The following PSMB2 variants were observed in gnomAD, a reference collection of about 807,000 sequenced individuals.
PSMB2 encodes proteasome subunit beta type-2.
PSMB2 carries 13 observed loss-of-function variants against 25.7 expected under a neutral mutation model. That is an observed-to-expected ratio of 0.51 (90% CI 0.33 to 0.80). The LOEUF (loss-of-function observed/expected upper bound fraction) is 0.80. Among genes scored for constraint, PSMB2 ranks in the 30% least tolerant of loss-of-function variants. The pLI is 0.02. For synonymous variants in PSMB2, 87 were observed against 96.2 expected (o/e 0.90, Z 0.56); for missense variants, 202 against 259.0 (o/e 0.78, Z 1.51).
Position 35,603,055 on chromosome 1 carries a change from A to T in PSMB2, c.*212T>A, listed in dbSNP as rs1650051643. On this transcript the variant is annotated 3_prime_UTR_variant, in exon 6 of 6. Transcript: ENST00000373237. ...TAATGGAGGGCGGAGCAGGAAGAAA[A>T]GTCAGACCTGGCAAAAAGATCATCT... The T allele has an allele frequency of 2.3e-6, 3 of 1,325,818 alleles. No individual in the cohort carries two copies. Among genetic ancestry groups the T allele is most frequent in the African/African-American group, 1.5e-5 (1 of 67,134 alleles). 82.1% of individuals were successfully genotyped at this position (1,325,818 alleles called of 1,614,324 possible). A position where few individuals can be genotyped will look rare whatever the true frequency, so the allele number is the denominator to read the frequency against.
At chr1:35,613,152 C>T (rs963730377) in intron 3 of PSMB2, among the ~76,000 whole-genome samples, 6 of 152,222 alleles carry the variant, frequency 3.9e-5, no homozygotes, top group Non-Finnish European at 8.8e-5. Context: ...GATGCTTAAG[C>T]ATAAATAAAT....
intron 3 of PSMB2, among the ~76,000 whole-genome samples, chr1:35,618,558 A>C (rs1388281104): frequency 6.6e-6 from 1 of 152,146 alleles, no homozygotes; most frequent in Non-Finnish European, 1.5e-5. Flanking sequence ...CAAATACAGA[A>C]AAAACTTCCC....
In PSMB2 at chr1:35,601,688, T is replaced by G. The variant is rs1427767973; in HGVS notation, c.*1579A>C. 1.7e-5 allele frequency: 17 copies of G among 985,286 alleles called. No individual in the cohort carries two copies. The highest frequency in any genetic ancestry group is 1.8e-5 in the Non-Finnish European group (15 of 829,902). 61.0% of individuals were successfully genotyped at this position (985,286 alleles called of 1,614,324 possible). A position where few individuals can be genotyped will look rare whatever the true frequency, so the allele number is the denominator to read the frequency against. ...ACAAAAACCTATCTGTATATGATATTAAGAGGAGCACAGAATTGGATAAAG... is the reference window on the plus strand; with the variant it reads ...ACAAAAACCTATCTGTATATGATATGAAGAGGAGCACAGAATTGGATAAAG... On this transcript the variant is annotated 3_prime_UTR_variant, in exon 6 of 6. Coordinates refer to ENST00000373237, the MANE Select transcript of PSMB2 (RefSeq NM_002794.5).
At position 35,599,563 on chromosome 1, in the gene PSMB2, T is replaced by A. The variant is rs1649927257; in HGVS notation, c.*3704A>T. The A allele has an allele frequency of 1.0e-6, 1 of 984,668 alleles. No individual in the cohort carries two copies. Among genetic ancestry groups the A allele is most frequent in the Admixed American group, 6.2e-5 (1 of 16,258 alleles). The allele number at this position is 984,668 out of a possible 1,614,324, so 61.0% of individuals were successfully genotyped here. On this transcript the variant is annotated 3_prime_UTR_variant, in exon 6 of 6. Coordinates refer to ENST00000373237, the MANE Select transcript of PSMB2 (RefSeq NM_002794.5). ...AAATTTAGTTGGAACACAGGCTTTATGAGGTGTAAAGGAGGGAAAGGAAGT... is the reference window on the plus strand; with the variant it reads ...AAATTTAGTTGGAACACAGGCTTTAAGAGGTGTAAAGGAGGGAAAGGAAGT...
intron 2 of PSMB2, among the ~76,000 whole-genome samples, chr1:35,631,892 G>A (rs1651114625): frequency 2.0e-5 from 3 of 151,940 alleles, no homozygotes; most frequent in Admixed American, 1.3e-4. Flanking sequence ...AGGCATGGTG[G>A]TACATGCCTG....
intron 3 of PSMB2, among the ~76,000 whole-genome samples, chr1:35,622,017 A>G (rs1394713677): frequency 2.0e-5 from 3 of 152,182 alleles, no homozygotes; most frequent in Non-Finnish European, 1.5e-5. Context: ...AAAAAAAAGC[A>G]TAAAATATAC....
chr1:35,614,174 T>C (rs1472777052), intron 3 of PSMB2, among the ~76,000 whole-genome samples: 1 of 152,188 alleles, frequency 6.6e-6, no homozygotes, highest in African/African-American at 2.4e-5. Flanking sequence ...ACGTAGAGCA[T>C]ATCTACTTCA....
rs755834832 is a variant in PSMB2, at chr1:35,641,329, T to C, written c.91+13A>G. ...ACCCCAGGCCTGGCCGGGCCTCCCC[T>C]GCTTCCTCTCACCGTCCTTCATCTG... On this transcript the variant is annotated intron_variant, in intron 1 of 5. Coordinates refer to ENST00000373237, the MANE Select transcript of PSMB2 (RefSeq NM_002794.5). 1 of 1,614,088 alleles carries C rather than the reference T, an allele frequency of 6.2e-7. No individual in the cohort carries two copies. Among genetic ancestry groups the C allele is most frequent in the Non-Finnish European group, 8.5e-7 (1 of 1,179,988 alleles).
chr1:35,621,353 T>C (rs1478602207), intron 3 of PSMB2, among the ~76,000 whole-genome samples: 3 of 152,198 alleles, frequency 2.0e-5, no homozygotes, highest in South Asian at 2.1e-4. Context: ...AAGGCCCACA[T>C]TGAGGTGTGC....
chr1:35,626,761 C>A (rs1021022214), intron 3 of PSMB2, among the ~76,000 whole-genome samples: 1 of 152,150 alleles, frequency 6.6e-6, no homozygotes, highest in African/African-American at 2.4e-5. Context: ...TACTTAATAA[C>A]AGATACATAT....
At chr1:35,608,374 A>G (rs1650234079) in intron 4 of PSMB2, among the ~76,000 whole-genome samples, 2 of 152,132 alleles carry the variant, frequency 1.3e-5, no homozygotes. Flanking sequence ...CAAAAAAAAA[A>G]AAAAGATAGA....
chr1:35,600,953 G>C lies in PSMB2; in HGVS notation c.*2314C>G. On this transcript the variant is annotated 3_prime_UTR_variant, in exon 6 of 6. Coordinates refer to ENST00000373237, the MANE Select transcript of PSMB2 (RefSeq NM_002794.5). Reference sequence around the variant, plus strand: ...ATTCTCATATCTACCACATAGAATAGGTGCTATTTCAGTCATTGTACAGAT... The same window carrying C: ...ATTCTCATATCTACCACATAGAATACGTGCTATTTCAGTCATTGTACAGAT... 1 of 984,550 alleles carries C rather than the reference G, an allele frequency of 1.0e-6. No individual in the cohort carries two copies. The highest frequency in any genetic ancestry group is 1.7e-5 in the African/African-American group (1 of 57,212). 61.0% of individuals were successfully genotyped at this position (984,550 alleles called of 1,614,324 possible).
intron 4 of PSMB2, among the ~76,000 whole-genome samples, chr1:35,607,190 G>A (rs1172217395): frequency 6.6e-6 from 1 of 152,018 alleles, no homozygotes; most frequent in Non-Finnish European, 1.5e-5. Flanking sequence ...TAAACAAACA[G>A]GATTACATCA....
chr1:35,603,747 T>C (rs550757289), intron 5 of PSMB2, among the ~76,000 whole-genome samples: 7 of 152,288 alleles, frequency 4.6e-5, no homozygotes, highest in Non-Finnish European at 1.0e-4. Context: ...CAAAGAGTGA[T>C]TGTCCTCAGA....
At chr1:35,641,268 T>C (rs1166492066) in intron 1 of PSMB2, 74 bp downstream of exon 1, 1 of 1,576,366 alleles carries the variant, frequency 6.3e-7, no homozygotes, top group Non-Finnish European at 8.6e-7. Flanking sequence ...CTGGTACTTA[T>C]TCAACCCCCG....
In PSMB2 at chr1:35,599,646, G is replaced by A. The variant is rs1373879276; in HGVS notation, c.*3621C>T. ...CCTAGCATGTCAAATCAAAGAATTG[G>A]GCTTTATTCTCTTAAGCCATGGAAA... On this transcript the variant is annotated 3_prime_UTR_variant, in exon 6 of 6. Transcript: ENST00000373237. 1 of 984,174 alleles carries A rather than the reference G, an allele frequency of 1.0e-6. No individual in the cohort carries two copies. The highest frequency in any genetic ancestry group is 1.7e-5 in the African/African-American group (1 of 57,194). The allele number at this position is 984,174 out of a possible 1,614,324, so 61.0% of individuals were successfully genotyped here.
At chr1:35,606,473 T>C (rs1267526049) in intron 4 of PSMB2, among the ~76,000 whole-genome samples, 4 of 152,012 alleles carry the variant, frequency 2.6e-5, no homozygotes, top group Non-Finnish European at 5.9e-5. Context: ...ATAAAATACC[T>C]AGGAATAAAT....
intron 3 of PSMB2, among the ~76,000 whole-genome samples, chr1:35,622,825 A>T (rs991389496): frequency 7.3e-5 from 11 of 151,254 alleles, no homozygotes; most frequent in African/African-American, 2.7e-4. Context: ...AAAAAAAAAA[A>T]GAAAGAAAAA....
At chr1:35,624,101 G>A (rs1267483908) in intron 3 of PSMB2, among the ~76,000 whole-genome samples, 2 of 152,190 alleles carry the variant, frequency 1.3e-5, no homozygotes, top group Admixed American at 1.3e-4. Context: ...GTGGGGATAA[G>A]CTTTGGTCAC....
Sources: allele counts gnomAD v4.1 joint callset (sites outside exome capture counted in the v4.1 genomes callset), GRCh38; gene constraint gnomAD v4.1.1; transcripts MANE v1.5; gene names NCBI Gene and HGNC (gene_info 2026-07-23, HGNC 2026-07-21).